Variants in GOLGB1 observed in about 807,000 individuals in gnomAD.
GOLGB1 encodes the protein golgin B1, also known as golgin subfamily B member 1.
In GOLGB1, 174 loss-of-function variants were observed where a neutral mutation model predicts 336.9. The ratio of observed to expected loss-of-function variants is 0.52; its 90% CI spans 0.46 to 0.59. GOLGB1 has a LOEUF of 0.59. Among genes scored for constraint, GOLGB1 ranks in the 20% least tolerant of loss-of-function variants. GOLGB1 has a pLI of 0.00. For synonymous variants in GOLGB1, 1,208 were observed against 1,289.2 expected, an observed-to-expected ratio of 0.94 and a Z score of 1.35; for missense variants, 3,331 against 3,645.3, an observed-to-expected ratio of 0.91 and a Z score of 2.22.
intron 1 of GOLGB1, among the ~76,000 whole-genome samples, chr3:121,743,286 T>TA (rs576770330): frequency 1.3e-5 from 2 of 152,088 alleles, no homozygotes; most frequent in Non-Finnish European, 2.9e-5. Flanking sequence ...TATGCAGCCA[T>TA]AAAAAAGGAT....
intron 14 of GOLGB1, among the ~76,000 whole-genome samples, chr3:121,685,638 G>C (rs924455942): frequency 1.3e-5 from 2 of 152,066 alleles, no homozygotes; most frequent in Non-Finnish European, 2.9e-5. Flanking sequence ...GCTAAACCCT[G>C]TTAGTGTAAA....
In GOLGB1 at chr3:121,674,806, C is replaced by T. The variant is rs1940094148; in HGVS notation, c.9177+2087G>A. ...TTATTGTTTTAATGACTGAATAAGG[C>T]TAGGAATGAGGTGCCTTTCTTTTTT... On this transcript the variant is annotated intron_variant, in intron 17 of 21. Coordinates refer to ENST00000614479, the MANE Select transcript of GOLGB1 (RefSeq NM_001366282.2). Among the ~76,000 whole-genome samples, 3 of 149,338 alleles carry T rather than the reference C, an allele frequency of 2.0e-5. No individual in the cohort carries two copies. The South Asian group carries it at 6.3e-4, about 31-fold the overall frequency.
chr3:121,717,218 T>C, intron 8 of GOLGB1, 79 bp from the exon 9 acceptor site: 1 of 1,135,994 alleles, frequency 8.8e-7, no homozygotes, highest in Non-Finnish European at 1.2e-6. Context: ...CTTTTTCTTA[T>C]AGGATGGAAA....
chr3:121,717,095 A>C lies in GOLGB1; in HGVS notation c.930T>G (p.Thr310=), dbSNP rs765629821. ...TTTCTGTTTCCACAGTGTTCCTCAA[A>C]GTATTATGCTCAGCTTCCATCTGCT... ...QLQQMEAEHN[T]LRNTVETERE... Residue 310 remains threonine, a synonymous_variant, in exon 9 of 22, where the codon ACT becomes ACG. Coordinates refer to ENST00000614479, the MANE Select transcript of GOLGB1 (RefSeq NM_001366282.2). The C allele has an allele frequency of 8.1e-6, 13 of 1,613,122 alleles. No homozygotes were observed. In the South Asian group the frequency reaches 1.4e-4, roughly 18 times the overall value.
Position 121,677,136 on chromosome 3 carries a change from T to C in GOLGB1, c.9040-106A>G, listed in dbSNP as rs769559956. 2.9e-4 allele frequency: 413 copies of C among 1,414,324 alleles called. 1 individual carries two copies. Among genetic ancestry groups the C allele is most frequent in the Non-Finnish European group, 3.6e-4 (365 of 1,017,614 alleles). The allele number at this position is 1,414,324 out of a possible 1,614,324, so 87.6% of individuals were successfully genotyped here. On this transcript the variant is annotated intron_variant, in intron 16 of 21. Coordinates refer to ENST00000614479, the MANE Select transcript of GOLGB1 (RefSeq NM_001366282.2). ...CCCATAGAAGTCATAAGGTGGCTTA[T>C]GGGCACTTAATAGTGGCAGATGGGC... is the stretch of plus-strand genomic sequence containing the variant.
chr3:121,731,890 T>C (rs1010689286), intron 1 of GOLGB1, among the ~76,000 whole-genome samples: 2 of 151,894 alleles, frequency 1.3e-5, no homozygotes, highest in Admixed American at 6.6e-5. Context: ...AAAAGTTGAT[T>C]ATCTGAAAAG....
intron 12 of GOLGB1, among the ~76,000 whole-genome samples, chr3:121,699,400 T>A (rs972692288): frequency 6.6e-6 from 1 of 152,134 alleles, no homozygotes; most frequent in Non-Finnish European, 1.5e-5. Context: ...TAAGCAACCA[T>A]ACCCTTCTTA....
intron 15 of GOLGB1, among the ~76,000 whole-genome samples, chr3:121,681,190 G>C (rs932617627): frequency 7.2e-5 from 11 of 152,030 alleles, no homozygotes; most frequent in South Asian, 2.1e-4. Flanking sequence ...GGATCTCAAG[G>C]GCATTATGGC....
In GOLGB1 at chr3:121,698,589, G is replaced by C. The variant is rs547002463; in HGVS notation, c.1934C>G (p.Ala645Gly). Residue 645 changes from alanine (A) to glycine (G), a missense_variant, in exon 13 of 22, where the codon GCG becomes GGG. Transcript: ENST00000614479. ...SSLPAVEKEQ[A>G]STEHQSRTSE... is the part of the protein sequence containing the mutation. ...TGTTCTACTTTGATGTTCAGTGCTC[G>C]CCTGTTCTTTTTCAACTGCTGGAAG... 1.7e-5 allele frequency: 27 copies of C among 1,613,496 alleles called. No individual in the cohort carries two copies. In the East Asian group the frequency reaches 5.8e-4, roughly 35 times the overall value.
At chr3:121,739,373 C>T (rs556895104) in intron 1 of GOLGB1, among the ~76,000 whole-genome samples, 51 of 151,904 alleles carry the variant, frequency 3.4e-4, no homozygotes, top group Non-Finnish European at 6.6e-4. Flanking sequence ...AATGGAAGCA[C>T]GTCAGAGAGC....
chr3:121,679,321 T>C (rs973071882), intron 15 of GOLGB1, among the ~76,000 whole-genome samples: 3 of 152,192 alleles, frequency 2.0e-5, no homozygotes, highest in Admixed American at 6.5e-5. Flanking sequence ...TTAACCTGCA[T>C]AGATAAAACT....
rs1258216134 is a variant in GOLGB1 at position 121,727,005 on chromosome 3, C to T, written c.439G>A (p.Glu147Lys). ...KSSTEEEMEI[E>K]KIKHKLQEKE... Reference sequence around the variant, plus strand: ...TCCTGGAGCTTATGTTTTATCTTTTCTATTTCCATCTCTTCCTCTGTAGAA... The same window carrying T: ...TCCTGGAGCTTATGTTTTATCTTTTTTATTTCCATCTCTTCCTCTGTAGAA... Residue 147 changes from glutamate (E) to lysine (K), a missense_variant, in exon 5 of 22, where the codon GAA becomes AAA. Glu to Lys is a moderately conservative substitution (Grantham distance 56). Coordinates refer to ENST00000614479, the MANE Select transcript of GOLGB1 (RefSeq NM_001366282.2). 6.3e-7 allele frequency: 1 copy of T among 1,595,912 alleles called. No individual in the cohort carries two copies. Among genetic ancestry groups the T allele is most frequent in the Admixed American group, 1.7e-5 (1 of 59,290 alleles).
chr3:121,673,077 T>TG (rs1329643401), intron 17 of GOLGB1, among the ~76,000 whole-genome samples: 1 of 151,532 alleles, frequency 6.6e-6, no homozygotes, highest in Non-Finnish European at 1.5e-5. Context: ...TTTTTGGTTT[T>TG]TTTTTTTTTT....
chr3:121,718,538 A>T, intron 7 of GOLGB1, 37 bp from the exon 8 acceptor site: 1 of 1,282,652 alleles, frequency 7.8e-7, no homozygotes, highest in Non-Finnish European at 1.1e-6. Context: ...TATGCTAACA[A>T]ATGAGTGCTT....
chr3:121,687,970 A>C (rs898167739), intron 14 of GOLGB1, among the ~76,000 whole-genome samples: 3 of 152,212 alleles, frequency 2.0e-5, no homozygotes, highest in Non-Finnish European at 4.4e-5. Context: ...TGTATGTTGG[A>C]AGTAAAAACC....
chr3:121,667,687 A>C, intron 19 of GOLGB1, 77 bp from the exon 20 acceptor site: 1 of 1,346,610 alleles, frequency 7.4e-7, no homozygotes, highest in Admixed American at 2.0e-5. Context: ...CAAAGTCTTC[A>C]TAAGGTTGTA....
chr3:121,719,795 G>A, intron 6 of GOLGB1, 27 bp from the exon 7 acceptor site: 1 of 1,572,746 alleles, frequency 6.4e-7, no homozygotes, highest in Non-Finnish European at 8.6e-7. Context: ...GAGAAACTAT[G>A]CAAGTTACAC....
chr3:121,702,263 A>G (rs761940706), intron 11 of GOLGB1, among the ~76,000 whole-genome samples: 24 of 152,200 alleles, frequency 1.6e-4, no homozygotes, highest in Admixed American at 2.6e-4. Context: ...ATCCTGCAGC[A>G]TGTATAGTCC....
intron 4 of GOLGB1, among the ~76,000 whole-genome samples, chr3:121,727,315 TATATA>T (rs372447556): frequency 3.6e-4 from 15 of 41,708 alleles, no homozygotes; most frequent in Non-Finnish European, 5.7e-4. Context: ...TATATATATA[TATATA>T]TTTTTTTTTT....
Sources: gnomAD v4.1 joint callset for allele counts (sites outside exome capture counted in the v4.1 genomes callset) on GRCh38, gnomAD v4.1.1 for gene constraint, MANE v1.5 for transcripts, NCBI Gene and HGNC (gene_info 2026-07-23, HGNC 2026-07-21) for gene names.